SLC9B2: variants seen among roughly 807,000 people sequenced by gnomAD.
SLC9B2 encodes solute carrier family 9 member B2, also known as sodium/hydrogen exchanger 9B2.
SLC9B2 carries 39 observed loss-of-function variants against 52.2 expected under a neutral mutation model. The observed-to-expected ratio is 0.75, with a 90% CI of 0.58 to 0.98. The LOEUF (loss-of-function observed/expected upper bound fraction) is 0.98. SLC9B2 is among the 50% of genes least tolerant of loss of function. SLC9B2 has a pLI of 0.00. For synonymous variants in SLC9B2, 214 were observed against 227.0 expected (o/e 0.94, Z 0.51); for missense variants, 626 against 637.5 (o/e 0.98, Z 0.19).
downstream of SLC9B2, chr4:103,019,812 G>C (rs577162916): frequency 7.7e-5 from 76 of 985,616 alleles, no homozygotes; most frequent in African/African-American, 1.2e-3. Flanking sequence ...TGGGGTTTCT[G>C]GGACTGTCTG....
At position 103,042,834 on chromosome 4, in the gene SLC9B2, T is replaced by A. The variant is rs145276458; in HGVS notation, c.1146+462A>T. 1.3e-3 allele frequency among the ~76,000 whole-genome samples: 195 copies of A among 151,998 alleles called. No homozygotes were observed. The Middle Eastern group carries it at 0.017, about 13-fold the overall frequency. ...TTTATTTATTTTAAGACACATATTT[T>A]TATATTTTAACATTTCTGAAATTAG... On this transcript the variant is annotated intron_variant, in intron 9 of 11. Coordinates refer to ENST00000394785, the MANE Select transcript of SLC9B2 (RefSeq NM_178833.7).
chr4:103,066,425 T>C lies in SLC9B2; in HGVS notation c.173A>G (p.Lys58Arg), dbSNP rs1366800144. The change falls in exon 3 of 12, where the codon AAG (lysine) becomes AGG (arginine). Residue 58 changes from lysine to arginine, a missense_variant. Transcript: ENST00000394785. ...TGCTTCAGTTGGTGTTTCTTGTAGCTTTTTTTCACTGCTTTTCAAAAGAAT... is the reference window on the plus strand; with the variant it reads ...TGCTTCAGTTGGTGTTTCTTGTAGCCTTTTTTCACTGCTTTTCAAAAGAAT... ...GSILLKSSEK[K>R]LQETPTEANH... is the part of the protein sequence containing the mutation. 39 of 1,613,892 alleles carry C rather than the reference T, an allele frequency of 2.4e-5. No individual in the cohort carries two copies. Among genetic ancestry groups the C allele is most frequent in the Non-Finnish European group, 3.2e-5 (38 of 1,179,920 alleles).
At chr4:103,020,005 A>T, downstream of SLC9B2, 1 of 852,988 alleles carries the variant, frequency 1.2e-6, no homozygotes, top group Non-Finnish European at 1.4e-6. Context: ...CCCTAAAGTC[A>T]GCTTAAAGTG....
chr4:103,062,862 G>A (rs1160319476), intron 3 of SLC9B2, among the ~76,000 whole-genome samples: 3 of 152,106 alleles, frequency 2.0e-5, no homozygotes, highest in African/African-American at 7.2e-5. Context: ...CACCTGCCTT[G>A]GCCTCCTAAA....
At chr4:103,029,121 C>A (rs1372390317) in intron 10 of SLC9B2, among the ~76,000 whole-genome samples, 1 of 152,030 alleles carries the variant, frequency 6.6e-6, no homozygotes, top group African/African-American at 2.4e-5. Flanking sequence ...TATTTGAATT[C>A]TTATGTAGAG....
intron 1 of SLC9B2, among the ~76,000 whole-genome samples, chr4:103,072,231 C>A (rs1034818148): frequency 6.6e-6 from 1 of 151,570 alleles, no homozygotes; most frequent in Non-Finnish European, 1.5e-5. Flanking sequence ...GCTACTTTTT[C>A]TATTTTTAGT....
chr4:103,020,597 C>T (rs935649342), downstream of SLC9B2, among the ~76,000 whole-genome samples: 14 of 152,086 alleles, frequency 9.2e-5, no homozygotes, highest in Non-Finnish European at 1.5e-4. Context: ...TCCAAATTAC[C>T]GTTCCTTCTT....
chr4:103,026,238 A>T lies in SLC9B2; in HGVS notation c.*132T>A. 2 of 795,522 alleles carry T rather than the reference A, an allele frequency of 2.5e-6. No homozygotes were observed. Among genetic ancestry groups the T allele is most frequent in the Non-Finnish European group, 3.9e-6 (2 of 507,920 alleles). The allele number at this position is 795,522 out of a possible 1,614,324, so 49.3% of individuals were successfully genotyped here. On this transcript the variant is annotated 3_prime_UTR_variant, in exon 12 of 12. Transcript: ENST00000394785. ...CACATGGAAAGAGCAAGGGCTAAAA[A>T]TGCTGTTTAAAGAAACAGCTACACT...
At chr4:103,031,860 G>T (rs577678863) in intron 9 of SLC9B2, 52 bp from the exon 10 acceptor site, 1 of 1,525,562 alleles carries the variant, frequency 6.6e-7, no homozygotes, top group Non-Finnish European at 9.0e-7. Flanking sequence ...AGTTACAAAT[G>T]CAAAGAATTT....
At chr4:103,018,289 G>A (rs1191960839), downstream of SLC9B2, among the ~76,000 whole-genome samples, 1 of 152,140 alleles carries the variant, frequency 6.6e-6, no homozygotes, top group Non-Finnish European at 1.5e-5. Flanking sequence ...CTGAAAAACA[G>A]CAGTATAAAT....
Position 103,066,449 on chromosome 4 carries a change from A to G in SLC9B2, c.149T>C (p.Ile50Thr), listed in dbSNP as rs766674727. The change falls in exon 3 of 12, where the codon ATT becomes ACT. Residue 50 changes from isoleucine to threonine, a missense_variant. Coordinates refer to ENST00000394785, the MANE Select transcript of SLC9B2 (RefSeq NM_178833.7). ...IDANEPTEGS[I>T]LLKSSEKKLQ... ...CTTTTTTTCACTGCTTTTCAAAAGA[A>G]TACTTCCTTCTGTTGGTTCATTTGC... The G allele has an allele frequency of 7.4e-6, 12 of 1,613,954 alleles. No individual in the cohort carries two copies. The South Asian group carries it at 1.3e-4, about 18-fold the overall frequency.
chr4:103,018,674 A>T (rs950408358), downstream of SLC9B2, among the ~76,000 whole-genome samples: 4 of 152,114 alleles, frequency 2.6e-5, no homozygotes, highest in African/African-American at 9.6e-5. Flanking sequence ...AGGGGGAGTG[A>T]GGGACCTGGT....
At chr4:103,019,907 G>C, downstream of SLC9B2, 1 of 987,208 alleles carries the variant, frequency 1.0e-6, no homozygotes, top group Non-Finnish European at 1.2e-6. Flanking sequence ...CAGGGACAGA[G>C]TTGACATCAC....
intron 4 of SLC9B2, among the ~76,000 whole-genome samples, chr4:103,054,202 G>A (rs1744928754): frequency 6.6e-6 from 1 of 152,154 alleles, no homozygotes; most frequent in Non-Finnish European, 1.5e-5. Flanking sequence ...CCAGGAGATT[G>A]AGGATGCAGT....
chr4:103,026,358 C>G lies in SLC9B2; in HGVS notation c.*12G>C. On this transcript the variant is annotated 3_prime_UTR_variant, in exon 12 of 12. Coordinates refer to ENST00000394785, the MANE Select transcript of SLC9B2 (RefSeq NM_178833.7). ...TTCTAAACATTATGTTCAGCACTCT[C>G]TCTTTTCACCTCTAAACTTGCACAG... is the stretch of plus-strand genomic sequence containing the variant. 1.3e-6 allele frequency: 2 copies of G among 1,594,694 alleles called. No homozygotes were observed. Among genetic ancestry groups the G allele is most frequent in the Non-Finnish European group, 1.7e-6 (2 of 1,169,100 alleles).
chr4:103,028,717 T>TA, intron 11 of SLC9B2, 30 bp downstream of exon 11: 1 of 1,578,070 alleles, frequency 6.3e-7, no homozygotes. Flanking sequence ...AAATAGCAGT[T>TA]AAAATGCTAA....
At chr4:103,072,054 A>ATTTTTTTTTTTTTTTT (rs1375668319) in intron 1 of SLC9B2, among the ~76,000 whole-genome samples, 1 of 62,480 alleles carries the variant, frequency 1.6e-5, no homozygotes, top group African/African-American at 8.8e-5. Flanking sequence ...TTTGGCTTTC[A>ATTTTTTTTTTTTTTTT]TGTTTTTTTT....
At chr4:103,033,076 C>T (rs1240523023) in intron 9 of SLC9B2, among the ~76,000 whole-genome samples, 1 of 152,126 alleles carries the variant, frequency 6.6e-6, no homozygotes, top group African/African-American at 2.4e-5. Flanking sequence ...TCATAGGACC[C>T]TAATTGATAC....
intron 9 of SLC9B2, among the ~76,000 whole-genome samples, chr4:103,035,643 G>A (rs924056013): frequency 1.3e-5 from 2 of 152,166 alleles, no homozygotes; most frequent in Non-Finnish European, 2.9e-5. Context: ...ATGATGGTGA[G>A]GTTGTGGAGA....
Sources: gnomAD v4.1 joint callset for allele counts (sites outside exome capture counted in the v4.1 genomes callset) on GRCh38, gnomAD v4.1.1 for gene constraint, MANE v1.5 for transcripts, NCBI Gene and HGNC (gene_info 2026-07-23, HGNC 2026-07-21) for gene names.